Variants in KIAA0232 observed in about 807,000 individuals in gnomAD.
The protein encoded by KIAA0232 is KIAA0232.
KIAA0232 carries 27 observed loss-of-function variants against 122.0 expected under a neutral mutation model. That is an observed-to-expected ratio of 0.22 (90% CI 0.16 to 0.31). KIAA0232 has a LOEUF of 0.31. Ranked by LOEUF, KIAA0232 falls within the 10% of genes least tolerant of loss-of-function variation. KIAA0232 has a pLI of 1.00. For synonymous variants in KIAA0232, 613 were observed against 587.6 expected (o/e 1.04, Z -0.63); for missense variants, 1,551 against 1,634.2 (o/e 0.95, Z 0.88).
At chr4:6,847,157 TTA>T (rs1420835667) in intron 4 of KIAA0232, among the ~76,000 whole-genome samples, 1 of 149,332 alleles carries the variant, frequency 6.7e-6, no homozygotes, top group Non-Finnish European at 1.5e-5. Context: ...TATTTTCTCA[TTA>T]TGTGTGTGGC....
intron 8 of KIAA0232, 58 bp downstream of exon 8, chr4:6,871,740 A>G (rs1560210254): frequency 2.8e-6 from 3 of 1,080,318 alleles, no homozygotes; most frequent in South Asian, 2.6e-5. Flanking sequence ...GTTAAGAGCA[A>G]TAATTTCTTT....
rs998904338 is a variant in KIAA0232 at position 6,863,406 on chromosome 4, G to T, written c.3024G>T (p.Gly1008=). The T allele has an allele frequency of 6.2e-7, 1 of 1,614,102 alleles. No individual in the cohort carries two copies. The highest frequency in any genetic ancestry group is 8.5e-7 in the Non-Finnish European group (1 of 1,180,022). The change falls in exon 7 of 10, where the codon GGG becomes GGT. Residue 1008 remains glycine, a synonymous_variant. Coordinates refer to ENST00000307659, the MANE Select transcript of KIAA0232 (RefSeq NM_014743.3). ...QNDQPKSGEN[G]LNKGFSFIFH... is the part of the protein sequence containing the mutation. ...ATCAGCCGAAGAGTGGGGAAAATGG[G>T]TTAAATAAGGGATTTTCTTTTATCT...
At chr4:6,827,966 A>C (rs1413029034) in intron 3 of KIAA0232, among the ~76,000 whole-genome samples, 1 of 152,138 alleles carries the variant, frequency 6.6e-6, no homozygotes, top group East Asian at 1.9e-4. Flanking sequence ...TATTTTATAT[A>C]AACTGCTTTT....
chr4:6,817,522 T>C (rs574727512), intron 2 of KIAA0232, among the ~76,000 whole-genome samples: 8 of 152,168 alleles, frequency 5.3e-5, no homozygotes, highest in Non-Finnish European at 7.3e-5. Context: ...GCCTCCCCTA[T>C]TGTTTAGAAA....
chr4:6,824,086 A>C (rs1718553612), intron 2 of KIAA0232, 99 bp from the exon 3 acceptor site: 1 of 406,388 alleles, frequency 2.5e-6, no homozygotes, highest in Non-Finnish European at 4.3e-6. Context: ...AAAATATTTT[A>C]ATAAAGAGGG....
intron 2 of KIAA0232, 103 bp from the exon 3 acceptor site, chr4:6,824,081 AT>A (rs1004528797): frequency 1.5e-5 from 6 of 403,688 alleles, no homozygotes; most frequent in African/African-American, 1.2e-4. Context: ...TACCAAAAAT[AT>A]TTTAATAAAG....
rs572733688 is a variant in KIAA0232, at chr4:6,791,390, A to G, written c.-354+8549A>G. On this transcript the variant is annotated intron_variant, in intron 1 of 9. Coordinates refer to ENST00000307659, the MANE Select transcript of KIAA0232 (RefSeq NM_014743.3). ...ACCCAGGCTAGAGTGCAGTGGCACA[A>G]TTATGGCTCACTGTAGCCTTGGCCA... Among the ~76,000 whole-genome samples, 5 of 139,798 alleles carry G rather than the reference A, an allele frequency of 3.6e-5. No homozygotes were observed. In the South Asian group the frequency reaches 6.7e-4, roughly 19 times the overall value. 91.7% of individuals were successfully genotyped at this position (139,798 alleles called of 152,430 possible).
intron 2 of KIAA0232, among the ~76,000 whole-genome samples, chr4:6,812,841 A>C (rs1717939478): frequency 6.6e-6 from 1 of 152,160 alleles, no homozygotes; most frequent in African/African-American, 2.4e-5. Flanking sequence ...ACAAAAGTAA[A>C]TTGAGAGAAC....
chr4:6,854,527 C>T (rs772049754), intron 4 of KIAA0232, among the ~76,000 whole-genome samples: 6 of 152,224 alleles, frequency 3.9e-5, no homozygotes, highest in South Asian at 2.1e-4. Context: ...TAGTGGCTGG[C>T]TGTCCATGCA....
At position 6,865,850 on chromosome 4, in the gene KIAA0232, A is replaced by G. The variant is rs574271232; in HGVS notation, c.3801+1667A>G. On this transcript the variant is annotated intron_variant, in intron 7 of 9. Coordinates refer to ENST00000307659, the MANE Select transcript of KIAA0232 (RefSeq NM_014743.3). ...TAATTTTGCCCCTCTCTTAATTTTC[A>G]TGCACTTTATGCCTCTTTTTGATTG... 6.6e-5 allele frequency among the ~76,000 whole-genome samples: 10 copies of G among 152,292 alleles called. No homozygotes were observed. In the South Asian group the frequency reaches 1.9e-3, roughly 28 times the overall value.
chr4:6,787,177 C>CAA (rs34617834), intron 1 of KIAA0232, among the ~76,000 whole-genome samples: 46 of 81,274 alleles, frequency 5.7e-4, no homozygotes, highest in African/African-American at 7.5e-4. Context: ...AAGGCTCTCT[C>CAA]AAAAAAAAAA....
intron 1 of KIAA0232, among the ~76,000 whole-genome samples, chr4:6,801,892 G>GT (rs1560164298): frequency 6.6e-6 from 1 of 152,082 alleles, no homozygotes; most frequent in African/African-American, 2.4e-5. Flanking sequence ...GAAGTTATTT[G>GT]TATACATGCC....
Position 6,863,077 on chromosome 4 carries a change from G to A in KIAA0232, c.2695G>A (p.Ala899Thr), listed in dbSNP as rs1202247505. ...QKESLEKRAFASSELSNVDGG... is the reference protein window; with the variant it reads ...QKESLEKRAFTSSELSNVDGG... ...AGAGAGCCTGGAGAAAAGAGCATTT[G>A]CTTCTAGTGAGCTATCAAACGTGGA... The change falls in exon 7 of 10, where the codon GCT (alanine) becomes ACT (threonine). Residue 899 changes from alanine to threonine, a missense_variant. Ala to Thr is a moderately conservative substitution (Grantham distance 58). Around this residue, in one of 5 missense-constraint regions of KIAA0232, gnomAD observed 1,108 missense variants for 1,154.8 expected, o/e 0.96. Coordinates refer to ENST00000307659, the MANE Select transcript of KIAA0232 (RefSeq NM_014743.3). 1 of 1,614,104 alleles carries A rather than the reference G, an allele frequency of 6.2e-7. No individual in the cohort carries two copies. The highest frequency in any genetic ancestry group is 8.5e-7 in the Non-Finnish European group (1 of 1,180,034).
chr4:6,802,677 C>T (rs1423994651), intron 1 of KIAA0232, among the ~76,000 whole-genome samples: 1 of 151,836 alleles, frequency 6.6e-6, no homozygotes, highest in African/African-American at 2.4e-5. Context: ...TTCACGTCTT[C>T]CCCAAGGACA....
intron 6 of KIAA0232, among the ~76,000 whole-genome samples, chr4:6,860,521 C>T (rs1413250010): frequency 1.3e-5 from 2 of 152,162 alleles, no homozygotes; most frequent in African/African-American, 2.4e-5. Flanking sequence ...AGCTTAAAGT[C>T]GCAAGCAATA....
chr4:6,876,473 G>A (rs1049029168), intron 8 of KIAA0232, among the ~76,000 whole-genome samples, 187 bp from the exon 9 acceptor site: 1 of 151,810 alleles, frequency 6.6e-6, no homozygotes, highest in Non-Finnish European at 1.5e-5. Flanking sequence ...TCAGCATAGC[G>A]TTTTTTTTCT....
At chr4:6,876,305 T>C (rs1721754398) in intron 8 of KIAA0232, among the ~76,000 whole-genome samples, 1 of 152,190 alleles carries the variant, frequency 6.6e-6, no homozygotes, top group Non-Finnish European at 1.5e-5. Context: ...GTGGAGAGCA[T>C]GGGCCCTGTG....
chr4:6,814,611 A>G (rs1276437303), intron 2 of KIAA0232, among the ~76,000 whole-genome samples: 1 of 152,136 alleles, frequency 6.6e-6, no homozygotes, highest in Non-Finnish European at 1.5e-5. Flanking sequence ...TTCCCATGCA[A>G]CAGACTTGTG....
At chr4:6,880,696 T>C in intron 9 of KIAA0232, 91 bp from the exon 10 acceptor site, 1 of 875,984 alleles carries the variant, frequency 1.1e-6, no homozygotes, top group Non-Finnish European at 1.6e-6. Context: ...ACTGATGATT[T>C]ATTATTTCTT....
Sources: allele counts gnomAD v4.1 joint callset (sites outside exome capture counted in the v4.1 genomes callset), GRCh38; gene constraint gnomAD v4.1.1; regional missense constraint gnomAD v4.1.1; transcripts MANE v1.5; gene names NCBI Gene and HGNC (gene_info 2026-07-23, HGNC 2026-07-21).